IFNGR2: variants seen among roughly 807,000 people sequenced by gnomAD.
IFNGR2 encodes the protein interferon gamma receptor 2.
In IFNGR2, 15 loss-of-function variants were observed where a neutral mutation model predicts 41.1. The ratio of observed to expected loss-of-function variants is 0.37; its 90% CI spans 0.24 to 0.56. The LOEUF (loss-of-function observed/expected upper bound fraction) is 0.56, where lower values mean the gene tolerates loss of function less well. Ranked by LOEUF, IFNGR2 falls within the 20% of genes least tolerant of loss-of-function variation. The pLI, the probability that IFNGR2 is intolerant of heterozygous loss-of-function variation, is 0.81. For missense variants in IFNGR2, 362 were observed against 415.7 expected, an observed-to-expected ratio of 0.87 and a Z score of 1.12; for synonymous variants, 161 against 171.6, an observed-to-expected ratio of 0.94 and a Z score of 0.48.
chr21:33,405,999 A>T (rs570163656), intron 1 of IFNGR2, among the ~76,000 whole-genome samples: 159 of 152,312 alleles, frequency 1.0e-3, no homozygotes, highest in African/African-American at 3.6e-3. Flanking sequence ...ACTGCACTCC[A>T]GCCTGGGCGA....
intron 4 of IFNGR2, among the ~76,000 whole-genome samples, chr21:33,429,667 C>T (rs2083869356): frequency 6.6e-6 from 1 of 152,140 alleles, no homozygotes; most frequent in African/African-American, 2.4e-5. Flanking sequence ...ATGAGAGACC[C>T]AGCGCCCAGG....
intron 6 of IFNGR2, among the ~76,000 whole-genome samples, chr21:33,433,843 T>C (rs932691711): frequency 3.9e-5 from 6 of 151,962 alleles, no homozygotes; most frequent in African/African-American, 1.2e-4. Context: ...GGCCTGGAGA[T>C]TGGCTGCAGT....
At chr21:33,408,046 T>C (rs1181591021) in intron 1 of IFNGR2, among the ~76,000 whole-genome samples, 2 of 152,146 alleles carry the variant, frequency 1.3e-5, no homozygotes, top group African/African-American at 2.4e-5. Flanking sequence ...ACTTTCATCA[T>C]AATGTCCCCG....
chr21:33,419,756 G>A (rs1033338541), intron 2 of IFNGR2, among the ~76,000 whole-genome samples: 1 of 152,128 alleles, frequency 6.6e-6, no homozygotes, highest in African/African-American at 2.4e-5. Flanking sequence ...TGGGTCAAAG[G>A]GGATGGACTT....
Position 33,436,848 on chromosome 21 carries a change from GC to G in IFNGR2, c.903del (p.Ile302SerfsTer2). On this transcript the variant is annotated frameshift_variant, in exon 7 of 7. Transcript: ENST00000290219. LOFTEE classifies it high-confidence loss of function. ...TCAAGTATTTAAAAGACCCAACTCA[GC>G]CCATCTTAGAGGCCTTGGACAAGGA... is the stretch of plus-strand genomic sequence containing the variant. Reference protein sequence around the residue: ...IEEYLKDPTQPILEALDKDSS... With the variant: ...IEEYLKDPTQXILEALDKDSS... 6.2e-7 allele frequency: 1 copy of G among 1,614,126 alleles called. No individual in the cohort carries two copies. The highest frequency in any genetic ancestry group is 8.5e-7 in the Non-Finnish European group (1 of 1,179,992).
intron 1 of IFNGR2, among the ~76,000 whole-genome samples, chr21:33,409,858 A>G (rs1336962318): frequency 6.6e-6 from 1 of 152,164 alleles, no homozygotes; most frequent in East Asian, 1.9e-4. Context: ...AAATTTTGAC[A>G]GTTGAGCCAA....
Position 33,427,844 on chromosome 21 carries a change from C to CT in IFNGR2, c.561+832dup, listed in dbSNP as rs71194844. Among the ~76,000 whole-genome samples, 238 of 125,470 alleles carry CT rather than the reference C, an allele frequency of 1.9e-3. 5 individuals carry two copies. The highest frequency in any genetic ancestry group is 2.6e-3 in the Non-Finnish European group (160 of 61,638). The allele number at this position is 125,470 out of a possible 152,430, so 82.3% of individuals were successfully genotyped here. A position where few individuals can be genotyped will look rare whatever the true frequency, so the allele number is the denominator to read the frequency against. On this transcript the variant is annotated intron_variant, in intron 4 of 6. Transcript: ENST00000290219. The stretch of plus-strand genomic sequence containing the variant: ...TTTTAGATACTTCATCTCATTTCAT[C>CT]TTTTTTTTTTTTTTTTTTTTGAGCT...
chr21:33,426,908 T>A lies in IFNGR2; in HGVS notation c.437T>A (p.Ile146Asn), dbSNP rs188848981. The A allele has an allele frequency of 1.2e-5, 19 of 1,613,776 alleles. No homozygotes were observed. The South Asian group carries it at 2.0e-4, about 17-fold the overall frequency. Residue 146 changes from isoleucine to asparagine, a missense_variant, in exon 4 of 7, where the codon ATT (isoleucine) becomes AAT (asparagine). Transcript: ENST00000290219. ...RNVTVGPPEN[I>N]EVTPGEGSLI... ...GTGACTGTCGGGCCTCCAGAAAACA[T>A]TGAGGTGACCCCAGGAGAAGGCTCC...
Position 33,415,826 on chromosome 21 carries a change from A to ATG in IFNGR2, c.206+821_206+822dup, listed in dbSNP as rs143825499. On this transcript the variant is annotated intron_variant, in intron 2 of 6. Transcript: ENST00000290219. The stretch of plus-strand genomic sequence containing the variant: ...TGGAAATGTCCATAGTAGTTTTCCA[A>ATG]TGTGTGTGTGTGTGTGCACGTGTGC... Among the ~76,000 whole-genome samples the ATG allele has an allele frequency of 1.8e-3, 277 of 151,394 alleles. 1 individual carries two copies. The highest frequency in any genetic ancestry group is 9.9e-3 in the Admixed American group (151 of 15,178).
intron 2 of IFNGR2, among the ~76,000 whole-genome samples, chr21:33,415,608 G>A (rs1440863943): frequency 2.0e-5 from 3 of 152,214 alleles, no homozygotes; most frequent in African/African-American, 7.2e-5. Context: ...ACGTTGTTAA[G>A]TAGGTTAATT....
At chr21:33,424,337 C>T (rs1026254197) in intron 3 of IFNGR2, among the ~76,000 whole-genome samples, 2 of 151,950 alleles carry the variant, frequency 1.3e-5, no homozygotes, top group Non-Finnish European at 2.9e-5. Context: ...CCGCCACTGC[C>T]CAGGGATCAA....
chr21:33,411,141 A>C (rs2123333563), intron 1 of IFNGR2, among the ~76,000 whole-genome samples: 1 of 152,354 alleles, frequency 6.6e-6, no homozygotes, highest in South Asian at 2.1e-4. Flanking sequence ...AAATGTGAAA[A>C]GATAGGGGAT....
intron 4 of IFNGR2, among the ~76,000 whole-genome samples, chr21:33,431,580 G>T (rs1031471525): frequency 2.6e-5 from 4 of 151,864 alleles, no homozygotes; most frequent in African/African-American, 4.8e-5. Flanking sequence ...AAAAAAAAAA[G>T]AAATACAAAA....
rs189807463 is a variant in IFNGR2, at chr21:33,437,228, T to C, written c.*266T>C. 2.9e-4 allele frequency: 126 copies of C among 429,612 alleles called. 1 individual carries two copies. The highest frequency in any genetic ancestry group is 2.3e-3 in the African/African-American group (117 of 49,936). The allele number at this position is 429,612 out of a possible 1,614,324, so 26.6% of individuals were successfully genotyped here. A position where few individuals can be genotyped will look rare whatever the true frequency, so the allele number is the denominator to read the frequency against. The stretch of plus-strand genomic sequence containing the variant: ...GCTTCTCTTAAACACTAAAAAGGCA[T>C]GTAATTGCTTGTTAGCAAAATGGAT... On this transcript the variant is annotated 3_prime_UTR_variant, in exon 7 of 7. Transcript: ENST00000290219.
At chr21:33,406,113 C>G (rs1250626338) in intron 1 of IFNGR2, among the ~76,000 whole-genome samples, 2 of 152,218 alleles carry the variant, frequency 1.3e-5, no homozygotes, top group African/African-American at 4.8e-5. Flanking sequence ...TGGCTCATGC[C>G]TGTAATCCCA....
At position 33,403,601 on chromosome 21, in the gene IFNGR2, G is replaced by A. The variant is rs1176465152; in HGVS notation, c.58G>A (p.Ala20Thr). Residue 20 changes from alanine to threonine, a missense_variant, in exon 1 of 7, where the codon GCC (alanine) becomes ACC (threonine). Coordinates refer to ENST00000290219, the MANE Select transcript of IFNGR2 (RefSeq NM_005534.4). ...LLLLGVFAAA[A>T]AAPPDPLSQL... ...GCTGCTCGGAGTCTTCGCCGCCGCC[G>A]CCGCGGCCCCGCCAGGTGAGCCGGG... The A allele has an allele frequency of 2.7e-5, 37 of 1,359,578 alleles. No homozygotes were observed. Among genetic ancestry groups the A allele is most frequent in the African/African-American group, 3.1e-5 (2 of 65,408 alleles). 84.2% of individuals were successfully genotyped at this position (1,359,578 alleles called of 1,614,324 possible). A position where few individuals can be genotyped will look rare whatever the true frequency, so the allele number is the denominator to read the frequency against.
At chr21:33,414,728 T>C (rs2083741841) in intron 1 of IFNGR2, among the ~76,000 whole-genome samples, 160 bp from the exon 2 acceptor site, 1 of 152,136 alleles carries the variant, frequency 6.6e-6, no homozygotes, top group Non-Finnish European at 1.5e-5. Flanking sequence ...AAGTCGGGGG[T>C]GTGGGGCCAT....
intron 1 of IFNGR2, among the ~76,000 whole-genome samples, chr21:33,404,406 A>G (rs1568947878): frequency 6.6e-6 from 1 of 152,170 alleles, no homozygotes; most frequent in East Asian, 1.9e-4. Context: ...TTGGGGCGGA[A>G]GAGGAAGAGT....
intron 2 of IFNGR2, among the ~76,000 whole-genome samples, chr21:33,417,688 C>T (rs892994703): frequency 6.6e-6 from 1 of 152,248 alleles, no homozygotes; most frequent in East Asian, 1.9e-4. Flanking sequence ...TTGATGTGAG[C>T]GCACAGGTCA....
Sources: gnomAD v4.1 joint callset for allele counts (sites outside exome capture counted in the v4.1 genomes callset) on GRCh38, gnomAD v4.1.1 for gene constraint, MANE v1.5 for transcripts, NCBI Gene and HGNC (gene_info 2026-07-23, HGNC 2026-07-21) for gene names.